Variants in TJP1 observed in about 807,000 individuals in gnomAD.
The protein encoded by TJP1 is tight junction protein 1.
TJP1 carries 43 observed loss-of-function variants against 194.2 expected under a neutral mutation model. The observed-to-expected ratio is 0.22, with a 90% confidence interval of 0.17 to 0.29. The LOEUF is 0.29. TJP1 is among the 10% of genes least tolerant of loss of function. The pLI is 1.00. For missense variants in TJP1, 1,971 were observed against 2,185.7 expected (o/e 0.90, Z 1.96); for synonymous variants, 801 against 779.0 (o/e 1.03, Z -0.47).
intron 2 of TJP1, among the ~76,000 whole-genome samples, chr15:29,903,742 C>T (rs2152204745): frequency 6.6e-6 from 1 of 152,326 alleles, no homozygotes; most frequent in East Asian, 1.9e-4. Flanking sequence ...CCACGCCCGG[C>T]CCAAGTTGCA....
intron 1 of TJP1, among the ~76,000 whole-genome samples, chr15:29,814,771 G>A (rs1187338177): frequency 6.6e-6 from 1 of 152,098 alleles, no homozygotes; most frequent in East Asian, 1.9e-4. Flanking sequence ...TGATAAACTA[G>A]AATTGAGATC....
In TJP1 at chr15:29,885,992, G is replaced by A. The variant is rs150279696; in HGVS notation, c.306+70240C>T. 8.9e-4 allele frequency among the ~76,000 whole-genome samples: 136 copies of A among 152,218 alleles called. No homozygotes were observed. The Middle Eastern group carries it at 0.02, about 23-fold the overall frequency. On this transcript the variant is annotated intron_variant, in intron 2 of 28. Transcript: ENST00000356107. Reference sequence around the variant, plus strand: ...GGAAAGGAAAGAGCAAAAGCATTAGGGTTTTTCAAGACGTACCAACAAGCA... The same window carrying A: ...GGAAAGGAAAGAGCAAAAGCATTAGAGTTTTTCAAGACGTACCAACAAGCA...
chr15:29,742,446 G>C (rs1439352337), intron 9 of TJP1, among the ~76,000 whole-genome samples, 196 bp downstream of exon 9: 3 of 152,172 alleles, frequency 2.0e-5, no homozygotes, highest in Admixed American at 1.3e-4. Flanking sequence ...TATCTAGAAA[G>C]TAAAGGAAAA....
intron 2 of TJP1, among the ~76,000 whole-genome samples, chr15:29,794,214 G>C (rs1348065783): frequency 1.3e-5 from 2 of 152,044 alleles, no homozygotes; most frequent in African/African-American, 4.8e-5. Context: ...ATTCCTGGAG[G>C]GATGGCTGGT....
At chr15:29,797,901 A>AT (rs1283721422) in intron 2 of TJP1, among the ~76,000 whole-genome samples, 1 of 152,248 alleles carries the variant, frequency 6.6e-6, no homozygotes, top group Non-Finnish European at 1.5e-5. Flanking sequence ...CCAAAGATAT[A>AT]TGGACAACAA....
intron 2 of TJP1, among the ~76,000 whole-genome samples, chr15:29,886,764 G>A (rs1428047734): frequency 6.6e-6 from 1 of 150,632 alleles, no homozygotes; most frequent in African/African-American, 2.4e-5. Flanking sequence ...AGAGAAAATT[G>A]GAAAATTTTG....
At chr15:29,806,482 A>G (rs968278867) in intron 1 of TJP1, among the ~76,000 whole-genome samples, 2 of 152,212 alleles carry the variant, frequency 1.3e-5, no homozygotes, top group Admixed American at 6.5e-5. Context: ...GTTCCCCATT[A>G]GGAAAACCAA....
chr15:29,760,455 A>C, intron 8 of TJP1: 2 of 544,154 alleles, frequency 3.7e-6, no homozygotes, highest in Middle Eastern at 4.9e-4. Flanking sequence ...GGCTCACTGC[A>C]ACCTCCGCTT....
At chr15:29,931,209 T>C (rs1261521270) in intron 2 of TJP1, among the ~76,000 whole-genome samples, 1 of 152,204 alleles carries the variant, frequency 6.6e-6, no homozygotes, top group Non-Finnish European at 1.5e-5. Context: ...GTGGATCATA[T>C]AAAGGTCTTC....
intron 2 of TJP1, among the ~76,000 whole-genome samples, chr15:29,947,468 G>A (rs921484216): frequency 5.3e-5 from 8 of 152,118 alleles, no homozygotes; most frequent in African/African-American, 1.9e-4. Context: ...TAATTTTCTG[G>A]TCTGTGAGTT....
At position 29,773,265 on chromosome 15, in the gene TJP1, C is replaced by T. The variant is rs774428839; in HGVS notation, c.177G>A (p.Val59=). 1.2e-6 allele frequency: 2 copies of T among 1,613,974 alleles called. No individual in the cohort carries two copies. The highest frequency in any genetic ancestry group is 2.2e-5 in the East Asian group (1 of 44,866). Residue 59 remains valine (V), a synonymous_variant, in exon 3 of 28, where the codon GTG becomes GTA. Transcript: ENST00000614355. ...SGETSIVISD[V]LKGGPAEGQL... ...GTCCTTCAGCTGGTCCTCCTTTCAG[C>T]ACATCTGAAATCACTATTGACGTTT...
At chr15:29,758,385 C>T (rs980774714) in intron 8 of TJP1, among the ~76,000 whole-genome samples, 1 of 151,598 alleles carries the variant, frequency 6.6e-6, no homozygotes. Context: ...CTTAAGATAC[C>T]TAGGAGAAAA....
At chr15:29,719,641 G>A (rs1194947124) in intron 20 of TJP1, 136 bp downstream of exon 20, 2 of 1,128,646 alleles carry the variant, frequency 1.8e-6, no homozygotes, top group South Asian at 1.9e-5. Context: ...GAAATGATTT[G>A]TATTGATTTG....
chr15:29,895,674 C>G (rs1324922897), intron 2 of TJP1, among the ~76,000 whole-genome samples: 1 of 152,142 alleles, frequency 6.6e-6, no homozygotes, highest in Non-Finnish European at 1.5e-5. Context: ...GCAATCTAAG[C>G]TTTTTCTAGC....
chr15:29,916,064 G>T (rs937235081), intron 2 of TJP1, among the ~76,000 whole-genome samples: 1 of 151,876 alleles, frequency 6.6e-6, no homozygotes, highest in Admixed American at 6.6e-5. Flanking sequence ...GGCCAACATG[G>T]TGAAACCCCG....
Position 29,719,752 on chromosome 15 carries a change from T to C in TJP1, c.3003+25A>G, listed in dbSNP as rs116108727. The C allele has an allele frequency of 9.9e-4, 1,568 of 1,591,296 alleles. 13 individuals carry two copies. The African/African-American group carries it at 0.019, about 19-fold the overall frequency. Reference sequence around the variant, plus strand: ...GCCAGATTGATGGACAGCAACAAATTAGTGCAACACCGCAGCACAGGTACC... The same window carrying C: ...GCCAGATTGATGGACAGCAACAAATCAGTGCAACACCGCAGCACAGGTACC... On this transcript the variant is annotated intron_variant, in intron 20 of 27. Transcript: ENST00000614355.
At chr15:29,787,649 G>C (rs769366127) in intron 2 of TJP1, among the ~76,000 whole-genome samples, 10 of 152,096 alleles carry the variant, frequency 6.6e-5, no homozygotes, top group African/African-American at 9.6e-5. Context: ...TGTTTTCAAG[G>C]TTCATCAATG....
intron 8 of TJP1, among the ~76,000 whole-genome samples, chr15:29,756,978 CATA>C (rs772440824): frequency 1.6e-4 from 25 of 152,232 alleles, no homozygotes; most frequent in Non-Finnish European, 1.3e-4. Context: ...TATGAATCAC[CATA>C]ATAATTACAG....
intron 18 of TJP1, among the ~76,000 whole-genome samples, chr15:29,721,414 T>C (rs879436962): frequency 6.6e-6 from 1 of 152,118 alleles, no homozygotes; most frequent in Non-Finnish European, 1.5e-5. Flanking sequence ...ATATAAGACA[T>C]GCTTCCTTCC....
Sources: allele counts gnomAD v4.1 joint callset (sites outside exome capture counted in the v4.1 genomes callset), GRCh38; gene constraint gnomAD v4.1.1; transcripts MANE v1.5; gene names NCBI Gene and HGNC (gene_info 2026-07-23, HGNC 2026-07-21).